The following B3GALNT2 variants were observed in gnomAD, a reference collection of about 807,000 sequenced individuals.
The protein encoded by B3GALNT2 is UDP-GalNAc:beta-1,3-N-acetylgalactosaminyltransferase 2.
In B3GALNT2, 53 loss-of-function variants were observed where a neutral mutation model predicts 61.1. The ratio of observed to expected loss-of-function variants is 0.87; its 90% CI spans 0.70 to 1.09. The LOEUF (loss-of-function observed/expected upper bound fraction) is 1.09. Ranked by LOEUF, B3GALNT2 falls within the 50% of genes least tolerant of loss-of-function variation. The probability of loss-of-function intolerance (pLI) is 0.00; values close to 1 mark genes in which losing one functional copy is unlikely to be tolerated. For missense variants in B3GALNT2, 544 were observed against 623.0 expected, an observed-to-expected ratio of 0.87 and a Z score of 1.35; for synonymous variants, 223 against 237.4, an observed-to-expected ratio of 0.94 and a Z score of 0.56.
At chr1:235,496,790 G>A (rs777248428) in intron 1 of B3GALNT2, among the ~76,000 whole-genome samples, 12 of 151,996 alleles carry the variant, frequency 7.9e-5, no homozygotes, top group Admixed American at 3.3e-4. Context: ...GTGATCCACC[G>A]CCTCGGCCTC....
chr1:235,466,601 C>T (rs968469160), intron 6 of B3GALNT2, among the ~76,000 whole-genome samples: 1 of 151,944 alleles, frequency 6.6e-6, no homozygotes, highest in East Asian at 1.9e-4. Flanking sequence ...GTGATCCTCC[C>T]GCCTCGGTCT....
the B3GALNT2 span, chr1:235,441,558 TTG>T: frequency 1.9e-6 from 1 of 516,368 alleles, no homozygotes; most frequent in Non-Finnish European, 3.5e-6. Context: ...TTGTCTTTTG[TTG>T]AGTTTCACTG....
At chr1:235,484,219 G>A in intron 4 of B3GALNT2, 103 bp downstream of exon 4, 2 of 1,423,028 alleles carry the variant, frequency 1.4e-6, no homozygotes, top group Non-Finnish European at 1.8e-6. Flanking sequence ...CTCAACCAGA[G>A]AGAATTATAT....
chr1:235,442,580 C>T (rs1681967476), downstream of B3GALNT2, among the ~76,000 whole-genome samples: 1 of 152,010 alleles, frequency 6.6e-6, no homozygotes, highest in South Asian at 2.1e-4. Context: ...GAGTTGTGAA[C>T]CAAATTGTGA....
chr1:235,504,332 C>G lies in B3GALNT2; in HGVS notation c.-80G>C, dbSNP rs1284709785. ...ACCTGCAAGTGCGGAGACTGAGGGG[C>G]GGCGGCTGACGAGCGACCACTCCGA... On this transcript the variant is annotated 5_prime_UTR_variant, in exon 1 of 12. Coordinates refer to ENST00000366600, the MANE Select transcript of B3GALNT2 (RefSeq NM_152490.5). 3 of 1,404,828 alleles carry G rather than the reference C, an allele frequency of 2.1e-6. No individual in the cohort carries two copies. In the Admixed American group the frequency reaches 7.6e-5, roughly 35 times the overall value. 87.0% of individuals were successfully genotyped at this position (1,404,828 alleles called of 1,614,324 possible).
At chr1:235,482,387 G>A (rs962985476) in intron 4 of B3GALNT2, among the ~76,000 whole-genome samples, 1 of 151,760 alleles carries the variant, frequency 6.6e-6, no homozygotes, top group African/African-American at 2.4e-5. Context: ...AGGCATTAGG[G>A]GGAACCTCCC....
At chr1:235,441,598 CAG>C in the B3GALNT2 span, 1 of 573,440 alleles carries the variant, frequency 1.7e-6, no homozygotes, top group African/African-American at 1.9e-5. Context: ...AGATAAGCTA[CAG>C]AGTCTGCAGC....
In B3GALNT2 at chr1:235,448,355, T is replaced by G. The variant is rs1198734905; in HGVS notation, c.*1851A>C. On this transcript the variant is annotated 3_prime_UTR_variant, in exon 12 of 12. Coordinates refer to ENST00000366600, the MANE Select transcript of B3GALNT2 (RefSeq NM_152490.5). ...TTTTCTTGTCTTTTGATAGGCTCCA[T>G]GACAATTCAAAAGGTGAAGGGATTG... 1.2e-6 allele frequency: 2 copies of G among 1,614,016 alleles called. No individual in the cohort carries two copies. Among genetic ancestry groups the G allele is most frequent in the East Asian group, 2.2e-5 (1 of 44,886 alleles).
downstream of B3GALNT2, among the ~76,000 whole-genome samples, chr1:235,444,331 T>C (rs535507978): frequency 6.6e-6 from 1 of 152,356 alleles, no homozygotes; most frequent in African/African-American, 2.4e-5. Context: ...TATTCTGTTT[T>C]CAAACTTAGA....
At chr1:235,482,844 G>A (rs184108) in intron 4 of B3GALNT2, among the ~76,000 whole-genome samples, 108,497 of 151,872 alleles carry the variant, frequency 0.71, 39,332 homozygotes, top group African/African-American at 0.84. Flanking sequence ...CAAAAAAACC[G>A]AAACCCAAAC....
At chr1:235,440,776 C>T in the B3GALNT2 span, 1 of 151,578 alleles carries the variant, frequency 6.6e-6, no homozygotes, top group Non-Finnish European at 1.5e-5. Flanking sequence ...AGTAAGCTCT[C>T]GTCCCGAGGG....
At chr1:235,483,963 A>G (rs1468545946) in intron 4 of B3GALNT2, among the ~76,000 whole-genome samples, 1 of 152,192 alleles carries the variant, frequency 6.6e-6, no homozygotes, top group African/African-American at 2.4e-5. Flanking sequence ...TGTATTACAG[A>G]CTTCTACAGT....
intron 6 of B3GALNT2, among the ~76,000 whole-genome samples, chr1:235,466,205 A>T (rs529586667): frequency 2.0e-4 from 30 of 150,458 alleles, no homozygotes; most frequent in African/African-American, 6.8e-4. Flanking sequence ...ATTAAAAAAA[A>T]ATTTTTTTTT....
chr1:235,478,387 G>T (rs1684394709), intron 5 of B3GALNT2, among the ~76,000 whole-genome samples: 1 of 152,014 alleles, frequency 6.6e-6, no homozygotes, highest in Non-Finnish European at 1.5e-5. Context: ...TAACTTTGAT[G>T]GTACATACTG....
At chr1:235,493,975 A>G (rs1685195169) in intron 2 of B3GALNT2, among the ~76,000 whole-genome samples, 1 of 152,222 alleles carries the variant, frequency 6.6e-6, no homozygotes, top group Admixed American at 6.5e-5. Flanking sequence ...GAACAGACTA[A>G]GGCTTTGGGC....
intron 6 of B3GALNT2, among the ~76,000 whole-genome samples, chr1:235,467,444 A>G (rs1683751976): frequency 6.6e-6 from 1 of 152,070 alleles, no homozygotes; most frequent in Non-Finnish European, 1.5e-5. Flanking sequence ...GTAGTTCCAT[A>G]AAAGACTGTA....
chr1:235,490,374 G>C (rs968085185), intron 2 of B3GALNT2, among the ~76,000 whole-genome samples: 3 of 152,192 alleles, frequency 2.0e-5, no homozygotes, highest in African/African-American at 7.2e-5. Flanking sequence ...GGGATTACAG[G>C]CGTGTGCCAC....
At position 235,449,688 on chromosome 1, in the gene B3GALNT2, C is replaced by G. The variant is rs548121937; in HGVS notation, c.*518G>C. On this transcript the variant is annotated 3_prime_UTR_variant, in exon 12 of 12. Coordinates refer to ENST00000366600, the MANE Select transcript of B3GALNT2 (RefSeq NM_152490.5). ...AGATCCACAAAATCTGACATTATTTCCAGAAACCCCAAACTTTGGTATAAG... is the reference window on the plus strand; with the variant it reads ...AGATCCACAAAATCTGACATTATTTGCAGAAACCCCAAACTTTGGTATAAG... The G allele has an allele frequency of 6.6e-6, 1 of 152,586 alleles. No individual in the cohort carries two copies. Among genetic ancestry groups the G allele is most frequent in the South Asian group, 2.1e-4 (1 of 4,840 alleles). 9.5% of individuals were successfully genotyped at this position (152,586 alleles called of 1,614,324 possible).
intron 2 of B3GALNT2, among the ~76,000 whole-genome samples, chr1:235,492,354 C>T (rs143711794): frequency 9.3e-4 from 142 of 152,088 alleles, no homozygotes; most frequent in African/African-American, 3.3e-3. Flanking sequence ...TTACTGTGTC[C>T]CAGGAAGGTG....
Sources: gnomAD v4.1 joint callset for allele counts (sites outside exome capture counted in the v4.1 genomes callset) on GRCh38, gnomAD v4.1.1 for gene constraint, MANE v1.5 for transcripts, NCBI Gene and HGNC (gene_info 2026-07-23, HGNC 2026-07-21) for gene names.